Variants in ARAP2 observed in about 807,000 individuals in gnomAD.
ARAP2 encodes the protein arf-GAP with Rho-GAP domain, ANK repeat and PH domain-containing protein 2.
In ARAP2, 148 loss-of-function variants were observed where a neutral mutation model predicts 194.5. The observed-to-expected ratio is 0.76, with a 90% CI of 0.67 to 0.87. ARAP2 has a LOEUF of 0.87. Ranked by LOEUF, ARAP2 falls within the 40% of genes least tolerant of loss-of-function variation. The pLI, the probability that ARAP2 is intolerant of heterozygous loss-of-function variation, is 0.00. For missense variants in ARAP2, 2,128 were observed against 1,989.7 expected (o/e 1.07, Z -1.32); for synonymous variants, 695 against 683.5 (o/e 1.02, Z -0.26).
intron 6 of ARAP2, among the ~76,000 whole-genome samples, chr4:36,205,135 G>A (rs1048116053): frequency 1.3e-5 from 2 of 150,002 alleles, no homozygotes; most frequent in African/African-American, 4.9e-5. Context: ...AGCCTTTATA[G>A]TTATACTATA....
chr4:36,075,608 T>C (rs772657407), intron 31 of ARAP2, among the ~76,000 whole-genome samples: 1 of 152,136 alleles, frequency 6.6e-6, no homozygotes, highest in Non-Finnish European at 1.5e-5. Flanking sequence ...CACAACATTT[T>C]TTACCACTTC....
At chr4:36,132,603 T>A (rs1725696541) in intron 20 of ARAP2, among the ~76,000 whole-genome samples, 2 of 151,888 alleles carry the variant, frequency 1.3e-5, no homozygotes, top group East Asian at 3.9e-4. Flanking sequence ...ACAGAGGATA[T>A]CTTTCAGGCA....
chr4:36,174,233 G>GA (rs2109836841), intron 9 of ARAP2, among the ~76,000 whole-genome samples: 1 of 152,212 alleles, frequency 6.6e-6, no homozygotes, highest in African/African-American at 2.4e-5. Flanking sequence ...AAACAATGCT[G>GA]AAATAATATG....
At chr4:36,237,588 C>A (rs957127356) in intron 1 of ARAP2, among the ~76,000 whole-genome samples, 2 of 152,178 alleles carry the variant, frequency 1.3e-5, no homozygotes, top group African/African-American at 4.8e-5. Flanking sequence ...TCCTTCCTGG[C>A]ATCTGATATG....
intron 27 of ARAP2, among the ~76,000 whole-genome samples, chr4:36,092,469 T>C (rs1040283069): frequency 6.6e-6 from 1 of 151,924 alleles, no homozygotes. Flanking sequence ...ATCAGCCAGG[T>C]GTGGTGGCAC....
chr4:36,059,176 G>A (rs1449842487), intron 1 of ARAP2, among the ~76,000 whole-genome samples: 1 of 152,116 alleles, frequency 6.6e-6, no homozygotes, highest in African/African-American at 2.4e-5. Flanking sequence ...TTTTAAATAT[G>A]TATATTCATA....
chr4:36,160,033 T>C (rs1733549658), intron 13 of ARAP2: 2 of 947,430 alleles, frequency 2.1e-6, no homozygotes, highest in Non-Finnish European at 2.5e-6. Context: ...AAGGCGGCAA[T>C]AAAAAATATT....
intron 19 of ARAP2, among the ~76,000 whole-genome samples, chr4:36,140,136 CAAT>C (rs1438330809): frequency 4.0e-4 from 25 of 62,534 alleles, no homozygotes; most frequent in African/African-American, 1.1e-3. Flanking sequence ...AAAACAAAAA[CAAT>C]ACACACACAC....
chr4:36,106,380 G>A (rs1166967164), intron 27 of ARAP2, among the ~76,000 whole-genome samples: 3 of 151,862 alleles, frequency 2.0e-5, no homozygotes, highest in Admixed American at 6.6e-5. Context: ...TATCTGTTTT[G>A]GCTTTTTAGA....
intron 1 of ARAP2, among the ~76,000 whole-genome samples, chr4:36,235,675 T>A (rs1752307628): frequency 1.3e-5 from 2 of 152,218 alleles, no homozygotes. Context: ...TCTCCCTTGC[T>A]TTGTGATGAG....
At chr4:36,121,384 C>T (rs1381646572) in intron 22 of ARAP2, 58 bp from the exon 23 acceptor site, 2 of 1,459,096 alleles carry the variant, frequency 1.4e-6, no homozygotes. Context: ...TTTCATAGAA[C>T]AGAAAGCCAG....
intron 2 of ARAP2, among the ~76,000 whole-genome samples, chr4:36,216,654 A>C (rs1252562178): frequency 6.6e-6 from 1 of 152,110 alleles, no homozygotes; most frequent in Non-Finnish European, 1.5e-5. Context: ...ACTTGAAAAA[A>C]CCCAAATAGA....
intron 2 of ARAP2, among the ~76,000 whole-genome samples, chr4:36,217,029 G>A (rs898419842): frequency 1.3e-5 from 2 of 152,160 alleles, no homozygotes; most frequent in African/African-American, 4.8e-5. Context: ...TATTCTATAT[G>A]AGCATGTGAA....
chr4:36,174,868 T>C (rs1212858736), intron 9 of ARAP2, among the ~76,000 whole-genome samples: 1 of 152,172 alleles, frequency 6.6e-6, no homozygotes, highest in East Asian at 1.9e-4. Context: ...ATGAGATTCC[T>C]CTTTAAAAAA....
At chr4:36,197,413 CCTTA>C (rs1743358337) in intron 6 of ARAP2, among the ~76,000 whole-genome samples, 2 of 152,210 alleles carry the variant, frequency 1.3e-5, no homozygotes. Flanking sequence ...AAAACTTCAT[CCTTA>C]CTTTTATTTT....
Position 36,213,151 on chromosome 4 carries a change from C to T in ARAP2, c.1041+92G>A, listed in dbSNP as rs200725528. 4.1e-5 allele frequency: 41 copies of T among 1,009,392 alleles called. No individual in the cohort carries two copies. The East Asian group carries it at 9.9e-4, about 24-fold the overall frequency. The allele number at this position is 1,009,392 out of a possible 1,614,324, so 62.5% of individuals were successfully genotyped here. ...TTTCAATCTTCAATATAATGCCATT[C>T]TTCAAATAGCTTGGAGAAAAATGAA... On this transcript the variant is annotated intron_variant, in intron 4 of 32. Transcript: ENST00000303965.
At chr4:36,009,640 TATAAA>T (rs1415874170) in intron 9 of ARAP2, among the ~76,000 whole-genome samples, 1 of 152,098 alleles carries the variant, frequency 6.6e-6, no homozygotes, top group Admixed American at 6.6e-5. Flanking sequence ...ATCCCCTGAT[TATAAA>T]ATAAAAGTTG....
At chr4:36,176,265 T>C (rs1396169986) in intron 9 of ARAP2, among the ~76,000 whole-genome samples, 1 of 152,186 alleles carries the variant, frequency 6.6e-6, no homozygotes, top group Non-Finnish European at 1.5e-5. Flanking sequence ...TCCTCCTATA[T>C]TTGTGGTGAA....
chr4:36,048,685 T>C (rs1484045490), intron 3 of ARAP2, among the ~76,000 whole-genome samples: 1 of 152,164 alleles, frequency 6.6e-6, no homozygotes, highest in East Asian at 1.9e-4. Flanking sequence ...TACATATGCC[T>C]TTTTGGTAGA....
Sources: allele counts gnomAD v4.1 joint callset (sites outside exome capture counted in the v4.1 genomes callset), GRCh38; gene constraint gnomAD v4.1.1; transcripts MANE v1.5; gene names NCBI Gene and HGNC (gene_info 2026-07-23, HGNC 2026-07-21).